Variants in PDE3B observed in about 807,000 individuals in gnomAD.
PDE3B encodes cGMP-inhibited 3',5'-cyclic phosphodiesterase 3B.
In PDE3B, 66 loss-of-function variants were observed where a neutral mutation model predicts 116.8. The observed-to-expected ratio is 0.56, with a 90% CI of 0.46 to 0.69. PDE3B has a LOEUF of 0.69. PDE3B is among the 30% of genes least tolerant of loss of function. The pLI is 0.00. For missense variants in PDE3B, 1,384 were observed against 1,368.1 expected (o/e 1.01, Z -0.18); for synonymous variants, 595 against 533.6 (o/e 1.12, Z -1.59).
At chr11:14,866,959 G>A (rs150669614) in intron 14 of PDE3B, among the ~76,000 whole-genome samples, 59 of 151,932 alleles carry the variant, frequency 3.9e-4, no homozygotes, top group Non-Finnish European at 7.2e-4. Context: ...AAGGCAGGCC[G>A]TTGGGGATCT....
chr11:14,850,807 G>T (rs1334303027), intron 12 of PDE3B, among the ~76,000 whole-genome samples: 2 of 151,822 alleles, frequency 1.3e-5, no homozygotes, highest in Non-Finnish European at 2.9e-5. Flanking sequence ...TTAGGACTTG[G>T]AACTAAATAT....
the PDE3B span, chr11:14,891,737 T>C: frequency 2.0e-5 from 27 of 1,327,488 alleles, no homozygotes; most frequent in East Asian, 8.1e-4. Flanking sequence ...CAGGACTGGA[T>C]CGCCTCGGAG....
chr11:14,801,541 C>T (rs1044508093), intron 4 of PDE3B, among the ~76,000 whole-genome samples: 6 of 152,206 alleles, frequency 3.9e-5, no homozygotes, highest in Non-Finnish European at 7.3e-5. Flanking sequence ...AGATGCCAGC[C>T]AGAGCTCTTC....
intron 13 of PDE3B, among the ~76,000 whole-genome samples, chr11:14,860,920 TAC>T (rs3834439): frequency 0.48 from 71,932 of 149,710 alleles, 17,740 homozygotes; most frequent in Admixed American, 0.55. Context: ...TATATATATA[TAC>T]ACACACACAC....
chr11:14,814,500 A>G lies in PDE3B; in HGVS notation c.1523-3683A>G, dbSNP rs139457754. 4.5e-3 allele frequency among the ~76,000 whole-genome samples: 687 copies of G among 152,322 alleles called. 3 individuals are homozygous for G. Among genetic ancestry groups the G allele is most frequent in the African/African-American group, 0.015 (611 of 41,578 alleles). ...TTAAAACACCATTTACCACAGCATC[A>G]AAAGCCACCAATTACGTAGAGATAA... On this transcript the variant is annotated intron_variant, in intron 5 of 15. Transcript: ENST00000282096.
intron 7 of PDE3B, among the ~76,000 whole-genome samples, chr11:14,826,996 G>A (rs992448628): frequency 1.3e-5 from 2 of 152,142 alleles, no homozygotes; most frequent in African/African-American, 4.8e-5. Context: ...TCATCCCTAG[G>A]TTGCAAGTTT....
chr11:14,839,396 T>C (rs1195290802), intron 11 of PDE3B, among the ~76,000 whole-genome samples: 1 of 152,238 alleles, frequency 6.6e-6, no homozygotes, highest in Non-Finnish European at 1.5e-5. Context: ...AAATACTTAA[T>C]AGATGCAGGA....
chr11:14,798,697 T>G (rs1372612926), intron 4 of PDE3B, among the ~76,000 whole-genome samples: 1 of 152,258 alleles, frequency 6.6e-6, no homozygotes, highest in Non-Finnish European at 1.5e-5. Context: ...CCATTTCTTC[T>G]AGATTTTTTA....
chr11:14,879,385 G>A, the PDE3B span: 37,180 of 1,609,060 alleles, frequency 0.023, 533 homozygotes, highest in South Asian at 0.028. Context: ...TGCATTTGTC[G>A]TCCCAAGAAG....
At chr11:14,759,204 C>T (rs920768553) in intron 1 of PDE3B, among the ~76,000 whole-genome samples, 13 of 152,070 alleles carry the variant, frequency 8.5e-5, no homozygotes, top group Admixed American at 2.6e-4. Flanking sequence ...CATCAATGTT[C>T]GTCAAGGATA....
At chr11:14,890,282 T>C in the PDE3B span, 25 of 194,350 alleles carry the variant, frequency 1.3e-4, no homozygotes, top group Admixed American at 2.0e-4. Flanking sequence ...ACCTCTAGTC[T>C]TATGCTTTCA....
rs111436102 is a variant in PDE3B, at chr11:14,859,183, T to G, written c.2661T>G (p.Ile887Met). 15 of 1,613,654 alleles carry G rather than the reference T, an allele frequency of 9.3e-6. No individual in the cohort carries two copies. The highest frequency in any genetic ancestry group is 1.3e-5 in the Non-Finnish European group (15 of 1,179,808). ...VEFKRFRFLV[I>M]EAILATDLKK... The stretch of plus-strand genomic sequence containing the variant: ...TCAAGCGCTTTCGTTTTTTAGTCAT[T>G]GAAGCAATCCTTGCTACGGATCTTA... Residue 887 changes from isoleucine (I) to methionine (M), a missense_variant, in exon 13 of 16, where the codon ATT becomes ATG. Ile to Met is a conservative substitution (Grantham distance 10). Around this residue, in one of 2 missense-constraint regions of PDE3B, gnomAD observed 428 missense variants for 561.4 expected, o/e 0.76. Coordinates refer to ENST00000282096, the MANE Select transcript of PDE3B (RefSeq NM_000922.4).
rs538165155 is a variant in PDE3B, at chr11:14,785,896, T to TTA, written c.1030-538_1030-537dup. 4.0e-4 allele frequency among the ~76,000 whole-genome samples: 61 copies of TTA among 152,182 alleles called. 2 individuals are homozygous for TTA. In the East Asian group the frequency reaches 0.012, roughly 29 times the overall value. ...TACTTTTTGTGCTTTAAATCATACA[T>TTA]TATACACTGCTTTATTTGCTTTACA... On this transcript the variant is annotated intron_variant, in intron 2 of 15. Coordinates refer to ENST00000282096, the MANE Select transcript of PDE3B (RefSeq NM_000922.4).
At chr11:14,661,852 T>C (rs1482068901) in intron 1 of PDE3B, among the ~76,000 whole-genome samples, 1 of 152,182 alleles carries the variant, frequency 6.6e-6, no homozygotes, top group African/African-American at 2.4e-5. Flanking sequence ...GCCTGCCTGC[T>C]TCTGTAGGCT....
intron 1 of PDE3B, among the ~76,000 whole-genome samples, chr11:14,722,631 G>A (rs1382808353): frequency 6.6e-6 from 1 of 152,132 alleles, no homozygotes; most frequent in African/African-American, 2.4e-5. Context: ...GCTAAAGCCT[G>A]CCAATAACCA....
intron 1 of PDE3B, among the ~76,000 whole-genome samples, chr11:14,755,688 C>G (rs561982368): frequency 6.6e-6 from 1 of 152,130 alleles, no homozygotes; most frequent in South Asian, 2.1e-4. Flanking sequence ...CATTGGAAGA[C>G]CCACATTACA....
the PDE3B span, among the ~76,000 whole-genome samples, chr11:14,889,390 G>C: frequency 6.6e-6 from 1 of 152,188 alleles, no homozygotes; most frequent in Non-Finnish European, 1.5e-5. Context: ...GATCTTTAGA[G>C]ATGTTTCATA....
chr11:14,674,257 C>T, intron 1 of PDE3B: 1 of 1,162,060 alleles, frequency 8.6e-7, no homozygotes, highest in Non-Finnish European at 1.3e-6. Context: ...CTGTTGGAGA[C>T]CAGATGTCTT....
At chr11:14,654,860 A>T (rs1443873458) in intron 1 of PDE3B, among the ~76,000 whole-genome samples, 1 of 151,614 alleles carries the variant, frequency 6.6e-6, no homozygotes, top group Non-Finnish European at 1.5e-5. Context: ...GAAAGAGTAG[A>T]TATTGTGTGA....
Sources: gnomAD v4.1 joint callset for allele counts (sites outside exome capture counted in the v4.1 genomes callset) on GRCh38, gnomAD v4.1.1 for gene constraint, gnomAD v4.1.1 regional missense constraint, MANE v1.5 for transcripts, NCBI Gene and HGNC (gene_info 2026-07-23, HGNC 2026-07-21) for gene names.